HSPA4: variants seen among roughly 807,000 people sequenced by gnomAD.
The protein encoded by HSPA4 is heat shock 70 kDa protein 4.
A neutral mutation model predicts 106.2 loss-of-function variants in HSPA4; 25 were observed. That is an observed-to-expected ratio of 0.24 (90% CI 0.17 to 0.33). The LOEUF (loss-of-function observed/expected upper bound fraction) is 0.33. HSPA4 is among the 10% of genes least tolerant of loss of function. HSPA4 has a pLI of 1.00. For missense variants in HSPA4, 841 were observed against 996.0 expected, an observed-to-expected ratio of 0.84 and a Z score of 2.10; for synonymous variants, 332 against 333.6, an observed-to-expected ratio of 1.00 and a Z score of 0.05.
At chr5:133,103,725 T>A in intron 17 of HSPA4, 140 bp from the exon 18 acceptor site, 1 of 665,886 alleles carries the variant, frequency 1.5e-6, no homozygotes, top group East Asian at 2.8e-5. Flanking sequence ...TTTGAATAAT[T>A]CTGTTCAGAT....
intron 10 of HSPA4, among the ~76,000 whole-genome samples, 196 bp downstream of exon 10, chr5:133,089,357 A>G (rs10075878): frequency 0.55 from 84,271 of 152,044 alleles, 24,617 homozygotes; most frequent in African/African-American, 0.75. Flanking sequence ...TGAAATCATC[A>G]GTGCCTTTTA....
At chr5:133,102,004 G>A in intron 17 of HSPA4, 126 bp downstream of exon 17, 1 of 594,022 alleles carries the variant, frequency 1.7e-6, no homozygotes, top group Non-Finnish European at 2.7e-6. Flanking sequence ...TCGGCTCAGT[G>A]CAACCTCCAC....
At chr5:133,063,981 C>T (rs1364449073) in intron 1 of HSPA4, among the ~76,000 whole-genome samples, 2 of 152,010 alleles carry the variant, frequency 1.3e-5, no homozygotes, top group African/African-American at 2.4e-5. Flanking sequence ...TGGCTAGTCT[C>T]GAACTCCTGA....
intron 1 of HSPA4, among the ~76,000 whole-genome samples, chr5:133,054,018 A>G (rs1765126592): frequency 6.6e-6 from 1 of 151,766 alleles, no homozygotes; most frequent in African/African-American, 2.4e-5. Context: ...ACATTTCTTC[A>G]GCAGGTTTCA....
chr5:133,102,502 A>G (rs774903846), intron 17 of HSPA4, among the ~76,000 whole-genome samples: 7 of 152,158 alleles, frequency 4.6e-5, no homozygotes, highest in Non-Finnish European at 8.8e-5. Context: ...CAGTACCTTT[A>G]TAAGGTAGGG....
intron 1 of HSPA4, among the ~76,000 whole-genome samples, chr5:133,058,565 C>G (rs954274218): frequency 2.0e-5 from 3 of 151,912 alleles, no homozygotes; most frequent in African/African-American, 7.3e-5. Flanking sequence ...GTAATCCCAG[C>G]TGAGGATGAG....
intron 1 of HSPA4, among the ~76,000 whole-genome samples, chr5:133,062,991 G>A (rs1765262746): frequency 6.6e-6 from 1 of 152,212 alleles, no homozygotes; most frequent in Non-Finnish European, 1.5e-5. Context: ...CTGTTGACTT[G>A]GAAGAATTAG....
At chr5:133,101,351 C>T (rs1426535103) in intron 16 of HSPA4, among the ~76,000 whole-genome samples, 1 of 152,144 alleles carries the variant, frequency 6.6e-6, no homozygotes, top group Non-Finnish European at 1.5e-5. Flanking sequence ...CTGATTTTCA[C>T]CTCCCTGGTG....
At chr5:133,089,533 T>C in intron 10 of HSPA4, 29 bp from the exon 11 acceptor site, 1 of 1,607,302 alleles carries the variant, frequency 6.2e-7, no homozygotes, top group Non-Finnish European at 8.5e-7. Flanking sequence ...TATCCTGAAT[T>C]TGTGTTTTTG....
chr5:133,076,592 T>G, intron 6 of HSPA4, 62 bp from the exon 7 acceptor site: 2 of 1,451,640 alleles, frequency 1.4e-6, no homozygotes, highest in Middle Eastern at 1.8e-4. Context: ...CAGGTAAATA[T>G]ATATCATCTG....
At chr5:133,084,009 T>C (rs1301275834) in intron 7 of HSPA4, among the ~76,000 whole-genome samples, 1 of 152,260 alleles carries the variant, frequency 6.6e-6, no homozygotes, top group African/African-American at 2.4e-5. Context: ...ACTCAGGTTT[T>C]AAGTGCTCAT....
In HSPA4 at chr5:133,104,485, G is replaced by C. The variant is rs1366428323; in HGVS notation, c.*49G>C. 1 of 1,524,434 alleles carries C rather than the reference G, an allele frequency of 6.6e-7. No individual in the cohort carries two copies. Among genetic ancestry groups the C allele is most frequent in the Non-Finnish European group, 9.0e-7 (1 of 1,107,408 alleles). 94.4% of individuals were successfully genotyped at this position (1,524,434 alleles called of 1,614,324 possible). On this transcript the variant is annotated 3_prime_UTR_variant, in exon 19 of 19. Coordinates refer to ENST00000304858, the MANE Select transcript of HSPA4 (RefSeq NM_002154.4). ...ACAGACTATTATAAAGCTTTAAGTTGTCAACTTTGTTCTAAATATCAACTA... is the reference window on the plus strand; with the variant it reads ...ACAGACTATTATAAAGCTTTAAGTTCTCAACTTTGTTCTAAATATCAACTA...
chr5:133,097,568 GAC>G (rs1765729451), intron 15 of HSPA4, among the ~76,000 whole-genome samples: 1 of 128,256 alleles, frequency 7.8e-6, no homozygotes, highest in African/African-American at 2.9e-5. Flanking sequence ...TTTTTTTTGA[GAC>G]AGAGTTTTGC....
At chr5:133,055,307 A>ATTTTTTTTTTTTTTTTTTTT (rs397999293) in intron 1 of HSPA4, among the ~76,000 whole-genome samples, 9 of 60,106 alleles carry the variant, frequency 1.5e-4, no homozygotes, top group Non-Finnish European at 2.5e-4. Flanking sequence ...AGGAAGGTTG[A>ATTTTTTTTTTTTTTTTTTTT]TTTTTTTTTT....
chr5:133,101,921 CTTTTTT>C (rs60177569), intron 17 of HSPA4, 43 bp downstream of exon 17: 586 of 718,768 alleles, frequency 8.2e-4, no homozygotes, highest in Middle Eastern at 3.3e-3. Flanking sequence ...GTAAAGTTAA[CTTTTTT>C]TTTTTTTTTT....
chr5:133,104,797 G>T lies in HSPA4; in HGVS notation c.*361G>T. ...CAGACTTTTCATTATGACTTACATG[G>T]CAGGAGCTCTAATTATGCTTTAAAA... is the stretch of plus-strand genomic sequence containing the variant. On this transcript the variant is annotated 3_prime_UTR_variant, in exon 19 of 19. Transcript: ENST00000304858. 1 of 214,466 alleles carries T rather than the reference G, an allele frequency of 4.7e-6. No homozygotes were observed. Among genetic ancestry groups the T allele is most frequent in the Non-Finnish European group, 9.4e-6 (1 of 105,848 alleles). The allele number at this position is 214,466 out of a possible 1,614,324, so 13.3% of individuals were successfully genotyped here.
chr5:133,052,376 T>G lies in HSPA4; in HGVS notation c.107+19T>G, dbSNP rs76836760. On this transcript the variant is annotated intron_variant, in intron 1 of 18. Coordinates refer to ENST00000304858, the MANE Select transcript of HSPA4 (RefSeq NM_002154.4). The stretch of plus-strand genomic sequence containing the variant: ...GCACGCCGTAAGTGTGGGCCGGGCC[T>G]GCCGCGTGCACTGGGGTTAGGAGAT... 0.26 allele frequency: 376,637 copies of G among 1,464,542 alleles called. 49,390 individuals carry two copies. The highest frequency in any genetic ancestry group is 0.32 in the African/African-American group (22,770 of 71,172). The allele number at this position is 1,464,542 out of a possible 1,614,324, so 90.7% of individuals were successfully genotyped here. A position where few individuals can be genotyped will look rare whatever the true frequency, so the allele number is the denominator to read the frequency against.
chr5:133,069,533 G>C (rs1765355013), intron 3 of HSPA4, among the ~76,000 whole-genome samples: 1 of 152,136 alleles, frequency 6.6e-6, no homozygotes. Context: ...CTACAGGTGT[G>C]AGCCACTGCA....
At chr5:133,083,998 T>G (rs769085992) in intron 7 of HSPA4, among the ~76,000 whole-genome samples, 1 of 152,242 alleles carries the variant, frequency 6.6e-6, no homozygotes, top group African/African-American at 2.4e-5. Context: ...TTATATGACA[T>G]ACTCAGGTTT....
Sources: allele counts gnomAD v4.1 joint callset (sites outside exome capture counted in the v4.1 genomes callset), GRCh38; gene constraint gnomAD v4.1.1; transcripts MANE v1.5; gene names NCBI Gene and HGNC (gene_info 2026-07-23, HGNC 2026-07-21).